Variants in STK3 observed in about 807,000 individuals in gnomAD.
STK3 encodes the protein serine/threonine-protein kinase 3.
STK3 carries 41 observed loss-of-function variants against 58.0 expected under a neutral mutation model. The observed-to-expected ratio is 0.71, with a 90% CI of 0.55 to 0.92. The LOEUF is 0.92. Among genes scored for constraint, STK3 ranks in the 40% least tolerant of loss-of-function variants. The pLI, the probability that STK3 is intolerant of heterozygous loss-of-function variation, is 0.00. For missense variants in STK3, 479 were observed against 602.7 expected, an observed-to-expected ratio of 0.79 and a Z score of 2.15; for synonymous variants, 170 against 191.0, an observed-to-expected ratio of 0.89 and a Z score of 0.91.
intron 3 of STK3, among the ~76,000 whole-genome samples, chr8:98,433,913 A>G (rs978807067): frequency 2.0e-5 from 3 of 152,226 alleles, no homozygotes; most frequent in African/African-American, 7.2e-5. Context: ...CCACCTATGT[A>G]CACGGAATCC....
At chr8:98,425,985 G>A (rs1818228344) in intron 3 of STK3, among the ~76,000 whole-genome samples, 2 of 152,118 alleles carry the variant, frequency 1.3e-5, no homozygotes, top group African/African-American at 4.8e-5. Flanking sequence ...GCTCCCCAGG[G>A]ACTGGGTCCA....
At chr8:98,437,218 A>G (rs1818522363) in intron 1 of STK3, 1 of 152,292 alleles carries the variant, frequency 6.6e-6, no homozygotes, top group Admixed American at 6.5e-5. Context: ...TCTAAAAGAC[A>G]GAAAAGGATT....
At chr8:98,901,868 C>G (rs1214181020) in intron 1 of STK3, among the ~76,000 whole-genome samples, 4 of 152,232 alleles carry the variant, frequency 2.6e-5, no homozygotes, top group African/African-American at 9.6e-5. Context: ...AATAGGCAAG[C>G]TGGGAAAGAA....
chr8:98,862,238 A>C (rs528796494), intron 3 of STK3, among the ~76,000 whole-genome samples: 6 of 152,322 alleles, frequency 3.9e-5, no homozygotes, highest in Non-Finnish European at 8.8e-5. Flanking sequence ...AAACTCTGGA[A>C]CTTCTGGAGT....
chr8:98,598,961 G>T (rs1816075098), intron 6 of STK3: 1 of 918,364 alleles, frequency 1.1e-6, no homozygotes, highest in Non-Finnish European at 1.3e-6. Context: ...TAGACTGCAA[G>T]AGTACCCAGG....
intron 4 of STK3, 96 bp downstream of exon 4, chr8:98,749,180 T>C: frequency 1.1e-6 from 1 of 912,530 alleles, no homozygotes; most frequent in Non-Finnish European, 1.7e-6. Context: ...TCTTTTTTCA[T>C]GCTATTATTT....
chr8:98,709,950 A>G (rs1034277263), intron 4 of STK3, among the ~76,000 whole-genome samples: 4 of 152,056 alleles, frequency 2.6e-5, no homozygotes, highest in African/African-American at 9.7e-5. Context: ...GTAATGGCAA[A>G]AACCGAAATT....
chr8:98,778,389 G>A (rs2131511473), intron 1 of STK3, among the ~76,000 whole-genome samples: 1 of 151,632 alleles, frequency 6.6e-6, no homozygotes, highest in East Asian at 1.9e-4. Context: ...AACAGGTGCT[G>A]GAGAGGATGT....
intron 4 of STK3, among the ~76,000 whole-genome samples, chr8:98,709,722 C>T (rs944932699): frequency 2.0e-5 from 3 of 152,082 alleles, no homozygotes; most frequent in African/African-American, 7.2e-5. Flanking sequence ...ACAGAAAAAG[C>T]ATTTGATTAA....
intron 6 of STK3, among the ~76,000 whole-genome samples, chr8:98,701,608 C>T (rs533818891): frequency 1.4e-5 from 2 of 147,510 alleles, no homozygotes; most frequent in South Asian, 2.1e-4. Flanking sequence ...GACAACAGAG[C>T]GAGACTTTGT....
rs145203494 is a variant in STK3, at chr8:98,661,384, C to A, written c.684+45083G>T. Among the ~76,000 whole-genome samples, 122 of 152,136 alleles carry A rather than the reference C, an allele frequency of 8.0e-4. 2 individuals are homozygous for A. The highest frequency in any genetic ancestry group is 2.9e-3 in the African/African-American group (120 of 41,514). ...AAAATACTAACCACATCTTATTTTA[C>A]CTCTTTTATATCTCTGGGACCTGTC... On this transcript the variant is annotated intron_variant, in intron 6 of 10. Coordinates refer to ENST00000419617, the MANE Select transcript of STK3 (RefSeq NM_006281.4).
intron 10 of STK3, among the ~76,000 whole-genome samples, chr8:98,504,148 CTTCT>C (rs1217387473): frequency 4.6e-5 from 7 of 152,122 alleles, no homozygotes; most frequent in Non-Finnish European, 1.0e-4. Context: ...ATGTAATGGC[CTTCT>C]TTGTCTCTTT....
chr8:98,432,626 G>GAAATT (rs2131076753), intron 3 of STK3: 1 of 167,172 alleles, frequency 6.0e-6, no homozygotes, highest in Admixed American at 6.5e-5. Context: ...GCTAATTCTT[G>GAAATT]CCGCATTTCA....
rs188544943 is a variant in STK3, at chr8:98,737,684, A to G, written c.351+11592T>C. On this transcript the variant is annotated intron_variant, in intron 4 of 10. Coordinates refer to ENST00000419617, the MANE Select transcript of STK3 (RefSeq NM_006281.4). Reference sequence around the variant, plus strand: ...AAAATGACAAAGCTCCTAGAAGCAAATCAAATTTAAAACGTATATAATTTT... The same window carrying G: ...AAAATGACAAAGCTCCTAGAAGCAAGTCAAATTTAAAACGTATATAATTTT... 3.3e-4 allele frequency among the ~76,000 whole-genome samples: 51 copies of G among 152,324 alleles called. No homozygotes were observed. In the Middle Eastern group the frequency reaches 0.01, roughly 30 times the overall value.
chr8:98,871,957 C>A (rs1344251376), intron 3 of STK3, among the ~76,000 whole-genome samples: 1 of 152,180 alleles, frequency 6.6e-6, no homozygotes. Context: ...TTTGCCCATT[C>A]AGTATGATAT....
intron 3 of STK3, among the ~76,000 whole-genome samples, chr8:98,840,589 A>G (rs1476827007): frequency 2.3e-5 from 1 of 42,938 alleles, no homozygotes; most frequent in African/African-American, 8.0e-5. Flanking sequence ...AAATGTATAT[A>G]TATATATATA....
At chr8:98,832,258 AT>A (rs201352040) in intron 3 of STK3, among the ~76,000 whole-genome samples, 5,036 of 85,564 alleles carry the variant, frequency 0.059, 95 homozygotes, top group East Asian at 0.1. Flanking sequence ...AAAAAAAAAT[AT>A]ATATATATAT....
At chr8:98,707,445 C>T in intron 4 of STK3, 134 bp from the exon 5 acceptor site, 1 of 670,870 alleles carries the variant, frequency 1.5e-6, no homozygotes, top group Non-Finnish European at 2.4e-6. Context: ...CTCTGTTGCC[C>T]AGGCTACAGT....
upstream of STK3, among the ~76,000 whole-genome samples, chr8:98,390,388 T>C (rs538915199): frequency 6.6e-6 from 1 of 152,310 alleles, no homozygotes; most frequent in South Asian, 2.1e-4. Flanking sequence ...TGATGAGAAG[T>C]CCTCAAGCAT....
Sources: gnomAD v4.1 joint callset for allele counts (sites outside exome capture counted in the v4.1 genomes callset) on GRCh38, gnomAD v4.1.1 for gene constraint, MANE v1.5 for transcripts, NCBI Gene and HGNC (gene_info 2026-07-23, HGNC 2026-07-21) for gene names.